Variants in ZNF334 observed in about 807,000 individuals in gnomAD.
ZNF334 encodes zinc finger protein 334.
In ZNF334, 14 loss-of-function variants were observed where a neutral mutation model predicts 12.4. That is an observed-to-expected ratio of 1.13 (90% CI 0.74 to 1.76). The LOEUF is 1.76. Ranked by LOEUF, ZNF334 falls within the 40% of genes most tolerant of loss-of-function variation. ZNF334 has a pLI of 0.00. For missense variants in ZNF334, 797 were observed against 804.5 expected, an observed-to-expected ratio of 0.99 and a Z score of 0.11; for synonymous variants, 273 against 269.6, an observed-to-expected ratio of 1.01 and a Z score of -0.12.
chr20:46,475,846 C>A, the ZNF334 span, among the ~76,000 whole-genome samples: 1 of 152,202 alleles, frequency 6.6e-6, no homozygotes, highest in Non-Finnish European at 1.5e-5. Flanking sequence ...ATGGTACAAT[C>A]ACTCTGGAAA....
At chr20:46,471,673 A>C in the ZNF334 span, among the ~76,000 whole-genome samples, 7 of 152,322 alleles carry the variant, frequency 4.6e-5, no homozygotes, top group East Asian at 1.3e-3. Flanking sequence ...AATTTCCCAC[A>C]TGACTCAACA....
At chr20:46,480,432 C>T in the ZNF334 span, among the ~76,000 whole-genome samples, 1 of 152,208 alleles carries the variant, frequency 6.6e-6, no homozygotes, top group Non-Finnish European at 1.5e-5. Context: ...AACTGCCTCT[C>T]CTCCTCCATG....
intron 2 of ZNF334, chr20:46,509,501 G>A: frequency 1.4e-6 from 1 of 692,654 alleles, no homozygotes; most frequent in South Asian, 1.5e-5. Context: ...CATGGGGTCA[G>A]CACGTGGGTC....
the ZNF334 span, among the ~76,000 whole-genome samples, chr20:46,494,616 A>C: frequency 6.6e-6 from 1 of 152,230 alleles, no homozygotes; most frequent in African/African-American, 2.4e-5. Context: ...ATTGGGATAA[A>C]GACAAAAATT....
rs1186988246 is a variant in ZNF334, at chr20:46,501,044, G to A, written c.*252C>T. ...GTTTGTTTCATTATTTTAAAAGGGA[G>A]GCACATTTGGCATAACCTTTGAATT... is the stretch of plus-strand genomic sequence containing the variant. On this transcript the variant is annotated 3_prime_UTR_variant, in exon 5 of 5. Coordinates refer to ENST00000692313, the MANE Select transcript of ZNF334 (RefSeq NM_001353824.2). The A allele has an allele frequency of 4.7e-6, 2 of 421,520 alleles. No individual in the cohort carries two copies. The highest frequency in any genetic ancestry group is 4.0e-5 in the Admixed American group (1 of 24,970). 26.1% of individuals were successfully genotyped at this position (421,520 alleles called of 1,614,324 possible).
In ZNF334 at chr20:46,501,542, T is replaced by A. The variant is rs750705004; in HGVS notation, c.1797A>T (p.Pro599=). The change falls in exon 5 of 5, where the codon CCA becomes CCT. Residue 599 remains proline, a synonymous_variant. Coordinates refer to ENST00000692313, the MANE Select transcript of ZNF334 (RefSeq NM_001353824.2). ...EHQRTHTGEK[P]YECNECGKSF... ...ATTTCCCACATTCATTACATTCATA[T>A]GGTTTCTCCCCAGTGTGAGTTCGCT... The A allele has an allele frequency of 6.2e-7, 1 of 1,613,748 alleles. No individual in the cohort carries two copies. The highest frequency in any genetic ancestry group is 8.5e-7 in the Non-Finnish European group (1 of 1,179,872).
the ZNF334 span, chr20:46,474,371 C>A: frequency 7.5e-6 from 1 of 133,338 alleles, no homozygotes; most frequent in African/African-American, 3.3e-5. Context: ...CAGAGTGAGA[C>A]CGTATCTCAA....
chr20:46,487,910 A>G, the ZNF334 span, among the ~76,000 whole-genome samples: 1 of 152,184 alleles, frequency 6.6e-6, no homozygotes, highest in Non-Finnish European at 1.5e-5. Flanking sequence ...AGAAGGGAAG[A>G]TCTTGCCCTC....
chr20:46,503,181 T>C, intron 4 of ZNF334, 84 bp from the exon 5 acceptor site: 3 of 1,442,096 alleles, frequency 2.1e-6, no homozygotes, highest in Non-Finnish European at 2.7e-6. Flanking sequence ...AATGCATTGT[T>C]TTAGGGGTTA....
intron 2 of ZNF334, chr20:46,505,504 C>A (rs900278911): frequency 6.5e-6 from 1 of 153,688 alleles, no homozygotes; most frequent in Non-Finnish European, 1.5e-5. Context: ...TGCTGGGGTG[C>A]TCCCTATCCT....
chr20:46,479,901 T>C, the ZNF334 span, among the ~76,000 whole-genome samples: 6 of 152,236 alleles, frequency 3.9e-5, no homozygotes, highest in Non-Finnish European at 8.8e-5. Context: ...TTCAAATAGT[T>C]TAACTCTTTC....
the ZNF334 span, among the ~76,000 whole-genome samples, chr20:46,465,771 G>A: frequency 2.0e-5 from 3 of 151,966 alleles, no homozygotes; most frequent in African/African-American, 4.8e-5. Context: ...TGGCTAACAC[G>A]GTGAAACCCC....
At chr20:46,482,601 C>A in the ZNF334 span, among the ~76,000 whole-genome samples, 1 of 151,906 alleles carries the variant, frequency 6.6e-6, no homozygotes, top group Non-Finnish European at 1.5e-5. Flanking sequence ...AATCATTAAC[C>A]CTACTCAACC....
the ZNF334 span, among the ~76,000 whole-genome samples, chr20:46,490,454 G>A: frequency 6.6e-6 from 1 of 152,120 alleles, no homozygotes; most frequent in African/African-American, 2.4e-5. Context: ...ATACCACACA[G>A]AAATATTTTA....
chr20:46,463,864 C>T, the ZNF334 span: 1 of 424,964 alleles, frequency 2.4e-6, no homozygotes, highest in East Asian at 6.5e-5. Flanking sequence ...CTGAGGTCAG[C>T]AGGCCAGTTC....
chr20:46,480,937 G>C, the ZNF334 span: 12 of 152,380 alleles, frequency 7.9e-5, no homozygotes, highest in African/African-American at 2.9e-4. Context: ...CAGCATACCC[G>C]TGGGCTCTCT....
At chr20:46,481,085 G>A in the ZNF334 span, 4 of 152,246 alleles carry the variant, frequency 2.6e-5, no homozygotes, top group African/African-American at 9.7e-5. Flanking sequence ...ATTTTAAGGT[G>A]TGGCTTCTCA....
chr20:46,462,736 G>T, the ZNF334 span, among the ~76,000 whole-genome samples: 2 of 152,110 alleles, frequency 1.3e-5, no homozygotes, highest in East Asian at 3.9e-4. Context: ...CCAATATACT[G>T]CTTTGTCCTT....
the ZNF334 span, among the ~76,000 whole-genome samples, chr20:46,475,063 T>A: frequency 7.2e-3 from 1,104 of 152,330 alleles, 14 homozygotes; most frequent in African/African-American, 0.026. Flanking sequence ...ACTGTGGGTC[T>A]ATTCCAACAA....
Sources: gnomAD v4.1 joint callset for allele counts (sites outside exome capture counted in the v4.1 genomes callset) on GRCh38, gnomAD v4.1.1 for gene constraint, MANE v1.5 for transcripts, NCBI Gene and HGNC (gene_info 2026-07-23, HGNC 2026-07-21) for gene names.